Variants in SEZ6L observed in about 807,000 individuals in gnomAD.
SEZ6L encodes the protein seizure 6-like protein.
Under a neutral mutation model 106.2 loss-of-function variants are expected in SEZ6L, and 37 were observed. The observed-to-expected ratio is 0.35, with a 90% CI of 0.27 to 0.46. The LOEUF is 0.46. Among genes scored for constraint, SEZ6L ranks in the 20% least tolerant of loss-of-function variants. SEZ6L has a pLI of 1.00. For missense variants in SEZ6L, 1,172 were observed against 1,332.8 expected (o/e 0.88, Z 1.88); for synonymous variants, 541 against 570.4 (o/e 0.95, Z 0.73).
chr22:26,266,342 C>G (rs188189456), intron 1 of SEZ6L, among the ~76,000 whole-genome samples: 1 of 150,250 alleles, frequency 6.7e-6, no homozygotes, highest in African/African-American at 2.5e-5. Flanking sequence ...GGGTGGATCA[C>G]GAGGTCAGGA....
intron 1 of SEZ6L, among the ~76,000 whole-genome samples, chr22:26,249,572 A>G (rs528447531): frequency 6.6e-6 from 1 of 152,224 alleles, no homozygotes; most frequent in East Asian, 1.9e-4. Context: ...TTCTTTATCC[A>G]TTCATCCATT....
intron 1 of SEZ6L, among the ~76,000 whole-genome samples, chr22:26,207,581 C>T (rs1941338626): frequency 6.6e-6 from 1 of 151,730 alleles, no homozygotes; most frequent in Non-Finnish European, 1.5e-5. Context: ...TTCTATTTGC[C>T]CTTCTGTTTT....
intron 1 of SEZ6L, among the ~76,000 whole-genome samples, chr22:26,180,614 G>A (rs1208557641): frequency 6.6e-6 from 1 of 152,182 alleles, no homozygotes; most frequent in Non-Finnish European, 1.5e-5. Flanking sequence ...TAGGAGTTGT[G>A]GGTGATAGAG....
chr22:26,252,459 G>T lies in SEZ6L; in HGVS notation c.95-39947G>T, dbSNP rs117084130. 4.6e-5 allele frequency among the ~76,000 whole-genome samples: 7 copies of T among 152,272 alleles called. No homozygotes were observed. The East Asian group carries it at 1.3e-3, about 29-fold the overall frequency. On this transcript the variant is annotated intron_variant, in intron 1 of 16. Coordinates refer to ENST00000248933, the MANE Select transcript of SEZ6L (RefSeq NM_021115.5). ...TTTAGATTCATGGGGTACATGTACA[G>T]GTTTGTTACATGGGTATGGTACATG...
intron 1 of SEZ6L, among the ~76,000 whole-genome samples, chr22:26,248,844 G>A (rs2079460636): frequency 6.6e-6 from 1 of 152,180 alleles, no homozygotes; most frequent in Non-Finnish European, 1.5e-5. Flanking sequence ...TGCAAAGCTG[G>A]TACAAACAAC....
intron 1 of SEZ6L, among the ~76,000 whole-genome samples, chr22:26,261,577 A>G (rs2145818773): frequency 6.6e-6 from 1 of 152,350 alleles, no homozygotes; most frequent in East Asian, 1.9e-4. Flanking sequence ...AACAGAGGGT[A>G]TAGAGATGAA....
At chr22:26,242,179 G>T (rs1454171471) in intron 1 of SEZ6L, among the ~76,000 whole-genome samples, 1 of 152,238 alleles carries the variant, frequency 6.6e-6, no homozygotes. Flanking sequence ...TTCTGTCTCA[G>T]TGCACGGGGT....
intron 5 of SEZ6L, among the ~76,000 whole-genome samples, chr22:26,304,372 G>GA (rs1361947067): frequency 2.7e-5 from 1 of 36,640 alleles, no homozygotes; most frequent in South Asian, 7.0e-4. Context: ...AAAGAAAGAA[G>GA]AAAGAAAGAA....
At chr22:26,350,655 C>CTTTTTT (rs1181293548) in intron 11 of SEZ6L, among the ~76,000 whole-genome samples, 4 of 130,422 alleles carry the variant, frequency 3.1e-5, no homozygotes, top group African/African-American at 8.7e-5. Context: ...AGTTAGGAAA[C>CTTTTTT]TTTTTTTTTT....
At chr22:26,282,762 C>A (rs1376409475) in intron 1 of SEZ6L, among the ~76,000 whole-genome samples, 1 of 152,172 alleles carries the variant, frequency 6.6e-6, no homozygotes, top group African/African-American at 2.4e-5. Flanking sequence ...TAGTTAAAAT[C>A]TTCAGAAAAG....
intron 5 of SEZ6L, among the ~76,000 whole-genome samples, chr22:26,304,737 A>G (rs2081581850): frequency 6.6e-6 from 1 of 152,226 alleles, no homozygotes; most frequent in Non-Finnish European, 1.5e-5. Flanking sequence ...TAAAATAGGT[A>G]TGGCACACTA....
chr22:26,294,955 CT>C (rs2081259753), intron 3 of SEZ6L, among the ~76,000 whole-genome samples: 2 of 148,832 alleles, frequency 1.3e-5, no homozygotes, highest in African/African-American at 5.1e-5. Flanking sequence ...TTCTTTCTTT[CT>C]TTCTTGCTTG....
intron 3 of SEZ6L, among the ~76,000 whole-genome samples, chr22:26,296,687 C>G (rs1043260158): frequency 7.2e-5 from 11 of 152,258 alleles, no homozygotes; most frequent in African/African-American, 2.7e-4. Flanking sequence ...TGGTTTCACT[C>G]TATCCCCTTG....
intron 12 of SEZ6L, among the ~76,000 whole-genome samples, chr22:26,356,056 A>G (rs2083426856): frequency 6.6e-6 from 1 of 152,228 alleles, no homozygotes; most frequent in Non-Finnish European, 1.5e-5. Flanking sequence ...TGTTGGGAGC[A>G]ACTCACTCAG....
At chr22:26,245,208 C>T (rs1223577690) in intron 1 of SEZ6L, among the ~76,000 whole-genome samples, 1 of 152,052 alleles carries the variant, frequency 6.6e-6, no homozygotes, top group Non-Finnish European at 1.5e-5. Context: ...TCCATGGCAA[C>T]CTTTTGCTTG....
chr22:26,334,345 A>G lies in SEZ6L; in HGVS notation c.2016-6091A>G, dbSNP rs570073872. 5.3e-5 allele frequency among the ~76,000 whole-genome samples: 8 copies of G among 152,146 alleles called. No individual in the cohort carries two copies. In the South Asian group the frequency reaches 8.3e-4, roughly 16 times the overall value. ...GCCTTCTTTCTCTGTGGATTTCCCT[A>G]TTCTGGATATTCCTTATAAATGGAG... On this transcript the variant is annotated intron_variant, in intron 9 of 16. Transcript: ENST00000248933.
chr22:26,216,085 C>G (rs1365083333), intron 1 of SEZ6L, among the ~76,000 whole-genome samples: 1 of 152,086 alleles, frequency 6.6e-6, no homozygotes, highest in Non-Finnish European at 1.5e-5. Flanking sequence ...TTCTGACCAT[C>G]CAGCAAGCTT....
At chr22:26,337,739 A>G (rs371909197) in intron 9 of SEZ6L, among the ~76,000 whole-genome samples, 1 of 152,304 alleles carries the variant, frequency 6.6e-6, no homozygotes, top group African/African-American at 2.4e-5. Flanking sequence ...TCTTGAAGAC[A>G]TGTGTGCAAA....
At chr22:26,222,586 A>T (rs563625169) in intron 1 of SEZ6L, among the ~76,000 whole-genome samples, 1 of 152,074 alleles carries the variant, frequency 6.6e-6, no homozygotes, top group Non-Finnish European at 1.5e-5. Flanking sequence ...GGAGAAAAAA[A>T]ACTGAGGATT....
Sources: allele counts gnomAD v4.1 joint callset (sites outside exome capture counted in the v4.1 genomes callset), GRCh38; gene constraint gnomAD v4.1.1; transcripts MANE v1.5; gene names NCBI Gene and HGNC (gene_info 2026-07-23, HGNC 2026-07-21).